The following DPF3 variants were observed in gnomAD, a reference collection of about 807,000 sequenced individuals.
DPF3 encodes zinc finger protein DPF3.
Under a neutral mutation model 56.8 loss-of-function variants are expected in DPF3, and 18 were observed. That is an observed-to-expected ratio of 0.32 (90% CI 0.22 to 0.47). DPF3 has a LOEUF of 0.47. Ranked by LOEUF, DPF3 falls within the 20% of genes least tolerant of loss-of-function variation. DPF3 has a pLI of 1.00. For missense variants in DPF3, 403 were observed against 488.8 expected (o/e 0.82, Z 1.65); for synonymous variants, 188 against 180.2 (o/e 1.04, Z -0.35).
At chr14:72,732,604 C>T (rs1056279162) in intron 3 of DPF3, among the ~76,000 whole-genome samples, 1 of 152,194 alleles carries the variant, frequency 6.6e-6, no homozygotes, top group African/African-American at 2.4e-5. Context: ...GTGGCCACTG[C>T]ACAGCCACGC....
intron 9 of DPF3, among the ~76,000 whole-genome samples, chr14:72,627,291 A>G (rs1294315570): frequency 6.6e-6 from 1 of 152,086 alleles, no homozygotes; most frequent in Admixed American, 6.5e-5. Context: ...TACTTTGTAC[A>G]TTTAGATCCC....
intron 1 of DPF3, among the ~76,000 whole-genome samples, chr14:72,800,264 G>C (rs1008432244): frequency 6.6e-6 from 1 of 152,142 alleles, no homozygotes; most frequent in Non-Finnish European, 1.5e-5. Context: ...AGCTCACCAC[G>C]GCCCCCACCA....
chr14:72,794,068 G>C (rs1350629440), intron 1 of DPF3, among the ~76,000 whole-genome samples: 1 of 152,182 alleles, frequency 6.6e-6, no homozygotes, highest in Non-Finnish European at 1.5e-5. Context: ...AAAGGCTGGG[G>C]CACTGGCATG....
intron 1 of DPF3, chr14:72,879,962 GA>G: frequency 6.8e-7 from 1 of 1,476,006 alleles, no homozygotes. Context: ...GATTGCCAAA[GA>G]AAGGTGAAAA....
At chr14:72,674,048 C>G in intron 8 of DPF3, 192 bp downstream of exon 8, 1 of 796,966 alleles carries the variant, frequency 1.3e-6, no homozygotes, top group Non-Finnish European at 1.8e-6. Context: ...TCCCCCGGAT[C>G]CTAGGGCATA....
At chr14:72,688,223 TGGATGGATGGATG>T (rs1805774313) in intron 7 of DPF3, among the ~76,000 whole-genome samples, 2 of 120,078 alleles carry the variant, frequency 1.7e-5, no homozygotes, top group Non-Finnish European at 3.5e-5. Context: ...GGTGGATGGA[TGGATGGATGGATG>T]GGATGGATGG....
intron 1 of DPF3, among the ~76,000 whole-genome samples, chr14:72,833,190 T>C (rs1277964270): frequency 6.6e-6 from 1 of 152,152 alleles, no homozygotes; most frequent in Non-Finnish European, 1.5e-5. Flanking sequence ...GGGAGTGAAC[T>C]GATAACACAT....
intron 1 of DPF3, among the ~76,000 whole-genome samples, chr14:72,834,190 C>T (rs1884185730): frequency 6.9e-6 from 1 of 144,412 alleles, no homozygotes; most frequent in Non-Finnish European, 1.5e-5. Flanking sequence ...AACAAACAAA[C>T]AAATAAACAA....
At chr14:72,702,573 G>A (rs1002356170) in intron 6 of DPF3, among the ~76,000 whole-genome samples, 7 of 152,086 alleles carry the variant, frequency 4.6e-5, no homozygotes, top group Admixed American at 6.5e-5. Flanking sequence ...CTACCAGACC[G>A]GCTCGTAGAA....
In DPF3 at chr14:72,692,942, C is replaced by T. The variant is rs1222563116; in HGVS notation, c.742+134G>A. On this transcript the variant is annotated intron_variant, in intron 7 of 10. Transcript: ENST00000556509. ...CTGGCTGGCTGGCTGAAAGGGCCAA[C>T]ACACTACAGCACATTGAGACCACTC... The T allele has an allele frequency of 2.1e-6, 3 of 1,459,410 alleles. No individual in the cohort carries two copies. The African/African-American group carries it at 4.2e-5, about 21-fold the overall frequency. 90.4% of individuals were successfully genotyped at this position (1,459,410 alleles called of 1,614,324 possible). A position where few individuals can be genotyped will look rare whatever the true frequency, so the allele number is the denominator to read the frequency against.
rs978541184 is a variant in DPF3 at position 72,789,156 on chromosome 14, G to A, written c.33-17263C>T. Among the ~76,000 whole-genome samples, 6 of 152,170 alleles carry A rather than the reference G, an allele frequency of 3.9e-5. No individual in the cohort carries two copies. In the South Asian group the frequency reaches 6.2e-4, roughly 16 times the overall value. ...CCTGGAGAACATGGGTACTGCATCCGTACTGAATCAGGACTACCTGAGCAA... is the reference window on the plus strand; with the variant it reads ...CCTGGAGAACATGGGTACTGCATCCATACTGAATCAGGACTACCTGAGCAA... On this transcript the variant is annotated intron_variant, in intron 1 of 10. Transcript: ENST00000556509.
In DPF3 at chr14:72,627,987, C is replaced by T. The variant is rs143241110; in HGVS notation, c.984+1637G>A. Among the ~76,000 whole-genome samples, 308 of 152,080 alleles carry T rather than the reference C, an allele frequency of 2.0e-3. 1 individual carries two copies. The highest frequency in any genetic ancestry group is 0.01 in the South Asian group (50 of 4,822). On this transcript the variant is annotated intron_variant, in intron 9 of 10. Transcript: ENST00000556509. ...TGTGTGTTAGTTTTATAATCTGTTACCTTTTATGTTTGAGTTAGCTTATCA... is the reference window on the plus strand; with the variant it reads ...TGTGTGTTAGTTTTATAATCTGTTATCTTTTATGTTTGAGTTAGCTTATCA...
Position 72,616,492 on chromosome 14 carries a change from A to G in DPF3, c.*2805T>C, listed in dbSNP as rs377516650. On this transcript the variant is annotated 3_prime_UTR_variant, in exon 11 of 11. Transcript: ENST00000556509. ...GGGAGATTTGAAGAAGACGTCTAACATTGGCTAATGCACACAAGAAGGCGG... is the reference window on the plus strand; with the variant it reads ...GGGAGATTTGAAGAAGACGTCTAACGTTGGCTAATGCACACAAGAAGGCGG... Among the ~76,000 whole-genome samples, 3 of 152,192 alleles carry G rather than the reference A, an allele frequency of 2.0e-5. No homozygotes were observed. The highest frequency in any genetic ancestry group is 7.2e-5 in the African/African-American group (3 of 41,442).
At chr14:72,659,051 C>T (rs1426334682) in intron 8 of DPF3, among the ~76,000 whole-genome samples, 2 of 152,084 alleles carry the variant, frequency 1.3e-5, no homozygotes, top group East Asian at 3.8e-4. Flanking sequence ...CTGCAGGCTG[C>T]ATCCCCTGAG....
intron 1 of DPF3, among the ~76,000 whole-genome samples, chr14:72,885,528 C>T (rs563338183): frequency 1.2e-3 from 184 of 152,002 alleles, no homozygotes; most frequent in African/African-American, 4.2e-3. Context: ...CTTAGCCTCC[C>T]GAGTAGCTAG....
chr14:72,874,262 G>A lies in DPF3; in HGVS notation c.32+19795C>T, dbSNP rs146568451. Reference sequence around the variant, plus strand: ...GGGAGGCCAAGATGGGCAGATCACGGGGTCAGGAGTTCAAGACCAGCCTGG... The same window carrying A: ...GGGAGGCCAAGATGGGCAGATCACGAGGTCAGGAGTTCAAGACCAGCCTGG... On this transcript the variant is annotated intron_variant, in intron 1 of 10. Transcript: ENST00000556509. 6.8e-3 allele frequency among the ~76,000 whole-genome samples: 1,034 copies of A among 151,694 alleles called. 17 individuals carry two copies. The highest frequency in any genetic ancestry group is 0.023 in the African/African-American group (971 of 41,394).
At chr14:72,707,341 C>T (rs1888449567) in intron 6 of DPF3, among the ~76,000 whole-genome samples, 1 of 152,020 alleles carries the variant, frequency 6.6e-6, no homozygotes, top group South Asian at 2.1e-4. Flanking sequence ...GGTATATACC[C>T]AGTAATGGGA....
At chr14:72,820,308 A>G (rs2140033017) in intron 1 of DPF3, among the ~76,000 whole-genome samples, 1 of 152,350 alleles carries the variant, frequency 6.6e-6, no homozygotes, top group Middle Eastern at 3.4e-3. Flanking sequence ...AAATGGCCAA[A>G]AGACACAGAA....
intron 6 of DPF3, 147 bp from the exon 7 acceptor site, chr14:72,693,360 C>A (rs1599362563): frequency 1.1e-6 from 1 of 951,890 alleles, no homozygotes; most frequent in East Asian, 2.7e-5. Context: ...ACATCCCTTT[C>A]CCCCACCCAA....
Sources: gnomAD v4.1 joint callset for allele counts (sites outside exome capture counted in the v4.1 genomes callset) on GRCh38, gnomAD v4.1.1 for gene constraint, MANE v1.5 for transcripts, NCBI Gene and HGNC (gene_info 2026-07-23, HGNC 2026-07-21) for gene names.